CFHR4: variants seen among roughly 807,000 people sequenced by gnomAD.
CFHR4 encodes the protein complement factor H-related protein 4.
CFHR4 carries 64 observed loss-of-function variants against 69.3 expected under a neutral mutation model. That is an observed-to-expected ratio of 0.92 (90% CI 0.76 to 1.14). The LOEUF (loss-of-function observed/expected upper bound fraction) is 1.14, where lower values mean the gene tolerates loss of function less well. Among genes scored for constraint, CFHR4 ranks in the 50% most tolerant of loss-of-function variants. CFHR4 has a pLI of 0.00. For synonymous variants in CFHR4, 244 were observed against 237.0 expected (o/e 1.03, Z -0.27); for missense variants, 636 against 684.9 (o/e 0.93, Z 0.80).
chr1:196,917,942 G>A (rs1183624646), intron 9 of CFHR4, among the ~76,000 whole-genome samples: 2 of 151,446 alleles, frequency 1.3e-5, no homozygotes, highest in African/African-American at 2.4e-5. Flanking sequence ...CATGTTTTAG[G>A]GAAGAAGAGT....
rs532061578 is a variant in CFHR4 at position 196,912,644 on chromosome 1, C to T, written c.998-96C>T. ...GTTTTCAATTCATTAACAAATGTTT[C>T]ATTGTTTTGCCATATTGCCATGTTT... On this transcript the variant is annotated intron_variant, in intron 6 of 9. Transcript: ENST00000608469. 7 of 1,312,644 alleles carry T rather than the reference C, an allele frequency of 5.3e-6. No homozygotes were observed. The East Asian group carries it at 1.8e-4, about 35-fold the overall frequency. The allele number at this position is 1,312,644 out of a possible 1,614,324, so 81.3% of individuals were successfully genotyped here. A position where few individuals can be genotyped will look rare whatever the true frequency, so the allele number is the denominator to read the frequency against.
At position 196,888,648 on chromosome 1, in the gene CFHR4, AT is replaced by A. The variant is rs1656855835; in HGVS notation, c.58+444del. Among the ~76,000 whole-genome samples the A allele has an allele frequency of 1.3e-5, 2 of 151,280 alleles. 1 individual carries two copies. The highest frequency in any genetic ancestry group is 2.9e-5 in the Non-Finnish European group (2 of 67,820). Reference sequence around the variant, plus strand: ...CATATATCAAAACAGCAAATAAAATATTTTAAATTATGCCATTTCTTATATT... The same window carrying A: ...CATATATCAAAACAGCAAATAAAATATTTAAATTATGCCATTTCTTATATT... On this transcript the variant is annotated intron_variant, in intron 1 of 9. Transcript: ENST00000608469.
chr1:196,901,385 T>A (rs1657592712), intron 1 of CFHR4, among the ~76,000 whole-genome samples: 1 of 151,052 alleles, frequency 6.6e-6, no homozygotes, highest in Non-Finnish European at 1.5e-5. Context: ...ACATTTATAA[T>A]CCACAAAACA....
In CFHR4 at chr1:196,900,010, T is replaced by C. The variant is rs59684155; in HGVS notation, c.59-2408T>C. ...GATGGTGACAGTGAATCTGCATTAG[T>C]ATAGATTCATAATTCCAGAAGAATC... On this transcript the variant is annotated intron_variant, in intron 1 of 9. Transcript: ENST00000608469. Among the ~76,000 whole-genome samples the C allele has an allele frequency of 6.8e-3, 1,039 of 151,688 alleles. 43 individuals are homozygous for C. The highest frequency in any genetic ancestry group is 0.024 in the African/African-American group (996 of 41,198).
chr1:196,889,792 T>A (rs1195340518), intron 1 of CFHR4, among the ~76,000 whole-genome samples: 1 of 151,428 alleles, frequency 6.6e-6, no homozygotes, highest in East Asian at 1.9e-4. Context: ...CTTAAAGATG[T>A]AATTAAGTTA....
At chr1:196,898,951 A>T (rs556201882) in intron 1 of CFHR4, among the ~76,000 whole-genome samples, 30 of 151,596 alleles carry the variant, frequency 2.0e-4, no homozygotes, top group Non-Finnish European at 4.3e-4. Context: ...GAGAGTGAGG[A>T]GTAGGAGGAA....
chr1:196,897,400 G>A (rs997083936), intron 1 of CFHR4, among the ~76,000 whole-genome samples: 2 of 151,490 alleles, frequency 1.3e-5, no homozygotes, highest in Admixed American at 1.3e-4. Flanking sequence ...GTGTTAATCC[G>A]CTCAATGGAC....
intron 1 of CFHR4, among the ~76,000 whole-genome samples, chr1:196,889,207 T>A (rs1656889339): frequency 6.6e-6 from 1 of 151,570 alleles, no homozygotes; most frequent in Non-Finnish European, 1.5e-5. Context: ...TATTTGATTC[T>A]AAGTAAACAG....
intron 3 of CFHR4, among the ~76,000 whole-genome samples, chr1:196,905,707 T>G (rs1488642171): frequency 6.6e-6 from 1 of 151,554 alleles, no homozygotes; most frequent in Non-Finnish European, 1.5e-5. Flanking sequence ...AGTGCTTAAT[T>G]CTGAGTTTCT....
At chr1:196,897,934 A>T (rs76542692) in intron 1 of CFHR4, among the ~76,000 whole-genome samples, 1 of 151,126 alleles carries the variant, frequency 6.6e-6, no homozygotes, top group African/African-American at 2.4e-5. Flanking sequence ...ACTCTCACTA[A>T]ATCAACCAGA....
Position 196,907,440 on chromosome 1 carries a change from G to T in CFHR4, c.741G>T (p.Gln247His), listed in dbSNP as rs769859288. The change falls in exon 5 of 10, where the codon CAG becomes CAT. Residue 247 changes from glutamine (Q) to histidine (H), a missense_variant. Physicochemically the swap from Gln to His is conservative, Grantham distance 24 (BLOSUM62 0). Around this residue, in one of 3 missense-constraint regions of CFHR4, gnomAD observed 529 missense variants for 533.2 expected, o/e 0.99. Coordinates refer to ENST00000608469, the MANE Select transcript of CFHR4 (RefSeq NM_001201550.3). The stretch of plus-strand genomic sequence containing the variant: ...AGTGCCAGTCCTACTATGAACTTCA[G>T]GGTTCTAAATATGTAACATGTAGTA... ...EYQCQSYYEL[Q>H]GSKYVTCSNG... 1.4e-5 allele frequency: 22 copies of T among 1,612,020 alleles called. No individual in the cohort carries two copies. Among genetic ancestry groups the T allele is most frequent in the Non-Finnish European group, 1.9e-5 (22 of 1,179,182 alleles).
chr1:196,907,435 C>T lies in CFHR4; in HGVS notation c.736C>T (p.Leu246Phe), dbSNP rs745610475. 1.5e-5 allele frequency: 24 copies of T among 1,612,088 alleles called. No individual in the cohort carries two copies. Among genetic ancestry groups the T allele is most frequent in the Non-Finnish European group, 2.0e-5 (24 of 1,179,164 alleles). The stretch of plus-strand genomic sequence containing the variant: ...GTACCAGTGCCAGTCCTACTATGAA[C>T]TTCAGGGTTCTAAATATGTAACATG... ...VEYQCQSYYE[L>F]QGSKYVTCSN... The change falls in exon 5 of 10, where the codon CTT (leucine) becomes TTT (phenylalanine). Residue 246 changes from leucine (L) to phenylalanine (F), a missense_variant. By Grantham distance (22) the Leu-to-Phe change is conservative. Transcript: ENST00000608469.
intron 1 of CFHR4, among the ~76,000 whole-genome samples, chr1:196,889,205 T>C (rs1656889075): frequency 6.6e-6 from 1 of 151,568 alleles, no homozygotes. Context: ...TTTATTTGAT[T>C]CTAAGTAAAC....
chr1:196,898,280 G>T (rs1046497258), intron 1 of CFHR4, among the ~76,000 whole-genome samples: 2 of 151,550 alleles, frequency 1.3e-5, no homozygotes, highest in African/African-American at 4.9e-5. Flanking sequence ...CTAGTAGTGG[G>T]TGGGTACCTA....
In CFHR4 at chr1:196,905,267, G is replaced by A. The variant is rs558757581; in HGVS notation, c.416G>A (p.Trp139Ter). ...TCAATTACATGTTTGCAAAATGGAT[G>A]GTCAACACAACCAATTTGCATTAGT... ...SGSITCLQNG[W>*]STQPICIKFC... is the part of the protein sequence containing the mutation. The change falls in exon 3 of 10, where the codon TGG (tryptophan) becomes TAG (stop). Residue 139 changes from tryptophan to a stop codon, truncating the protein, a stop_gained. Coordinates refer to ENST00000608469, the MANE Select transcript of CFHR4 (RefSeq NM_001201550.3). LOFTEE classifies it high-confidence loss of function. 1.9e-6 allele frequency: 3 copies of A among 1,610,818 alleles called. No individual in the cohort carries two copies. The highest frequency in any genetic ancestry group is 2.5e-6 in the Non-Finnish European group (3 of 1,178,636).
intron 3 of CFHR4, 54 bp from the exon 4 acceptor site, chr1:196,906,807 G>A (rs550194420): frequency 4.9e-5 from 75 of 1,531,082 alleles, no homozygotes; most frequent in Non-Finnish European, 6.5e-5. Context: ...TTTCTTAGTC[G>A]AGTTGTACAT....
chr1:196,901,317 C>G lies in CFHR4; in HGVS notation c.59-1101C>G, dbSNP rs927266729. On this transcript the variant is annotated intron_variant, in intron 1 of 9. Transcript: ENST00000608469. ...TGGACTGTAGGCCAAGAATCTATAC[C>G]TAGAGAAGTTACTCACGTATCTTTT... is the stretch of plus-strand genomic sequence containing the variant. Among the ~76,000 whole-genome samples the G allele has an allele frequency of 1.8e-3, 265 of 151,012 alleles. 8 individuals are homozygous for G. The highest frequency in any genetic ancestry group is 6.1e-3 in the African/African-American group (250 of 40,976).
intron 2 of CFHR4, 27 bp from the exon 3 acceptor site, chr1:196,905,081 C>CT: frequency 6.4e-7 from 1 of 1,551,000 alleles, no homozygotes; most frequent in Non-Finnish European, 8.8e-7. Flanking sequence ...CAAATATTTA[C>CT]TTTTTTCTCT....
chr1:196,893,411 T>C (rs938865268), intron 1 of CFHR4, among the ~76,000 whole-genome samples: 2 of 151,430 alleles, frequency 1.3e-5, no homozygotes, highest in Non-Finnish European at 2.9e-5. Context: ...GTTGCTGGGA[T>C]GGGGGTTGGT....
Sources: gnomAD v4.1 joint callset for allele counts (sites outside exome capture counted in the v4.1 genomes callset) on GRCh38, gnomAD v4.1.1 for gene constraint, gnomAD v4.1.1 regional missense constraint, MANE v1.5 for transcripts, NCBI Gene and HGNC (gene_info 2026-07-23, HGNC 2026-07-21) for gene names.